The following EPB41L4B variants were observed in gnomAD, a reference collection of about 807,000 sequenced individuals.
EPB41L4B encodes the protein erythrocyte membrane protein band 4.1 like 4B.
A neutral mutation model predicts 112.5 loss-of-function variants in EPB41L4B; 30 were observed. The ratio of observed to expected loss-of-function variants is 0.27; its 90% confidence interval spans 0.20 to 0.36. The LOEUF (loss-of-function observed/expected upper bound fraction) is 0.36. Ranked by LOEUF, EPB41L4B falls within the 10% of genes least tolerant of loss-of-function variation. The pLI, the probability that EPB41L4B is intolerant of heterozygous loss-of-function variation, is 1.00. For missense variants in EPB41L4B, 1,024 were observed against 1,133.3 expected, an observed-to-expected ratio of 0.90 and a Z score of 1.38; for synonymous variants, 408 against 439.7, an observed-to-expected ratio of 0.93 and a Z score of 0.90.
In EPB41L4B at chr9:109,255,548, A is replaced by G. The variant is rs1018408500; in HGVS notation, c.1132T>C (p.Ser378Pro). ...CGAGAGCCCAGCCTGATAAAGTCGG[A>G]TCTATTGGATTTGCTGTTTCCTGGC... ...RTPGNSKSNRSDFIRLGSRFR... is the reference protein window; with the variant it reads ...RTPGNSKSNRPDFIRLGSRFR... The change falls in exon 11 of 26, where the codon TCC (serine) becomes CCC (proline). Residue 378 changes from serine (S) to proline (P), a missense_variant. Ser to Pro is a moderately conservative substitution (Grantham distance 74). Transcript: ENST00000374566. The G allele has an allele frequency of 6.2e-7, 1 of 1,614,184 alleles. No homozygotes were observed.
chr9:109,192,266 T>G lies in EPB41L4B; in HGVS notation c.2301+12A>C, dbSNP rs770851794. The G allele has an allele frequency of 2.8e-5, 45 of 1,600,062 alleles. No homozygotes were observed. Among genetic ancestry groups the G allele is most frequent in the Non-Finnish European group, 3.7e-5 (43 of 1,174,126 alleles). On this transcript the variant is annotated intron_variant, in intron 22 of 25. Coordinates refer to ENST00000374566, the MANE Select transcript of EPB41L4B (RefSeq NM_019114.5). ...TGTGACTTTTCTGGTTTTAGCAAAA[T>G]AGGAAGTTTACCAGAGGAGTGGCTT...
chr9:109,300,433 T>A (rs1303168297), intron 1 of EPB41L4B: 1 of 152,122 alleles, frequency 6.6e-6, no homozygotes, highest in Non-Finnish European at 1.5e-5. Flanking sequence ...AACCCCACCA[T>A]CACAATCTTA....
chr9:109,262,616 C>T (rs80222853), intron 6 of EPB41L4B, among the ~76,000 whole-genome samples: 2,627 of 152,214 alleles, frequency 0.017, 72 homozygotes, highest in African/African-American at 0.051. Context: ...AGTGCATATC[C>T]GGCCAGGCCT....
chr9:109,297,970 C>T (rs1394617695), intron 1 of EPB41L4B, among the ~76,000 whole-genome samples: 1 of 152,158 alleles, frequency 6.6e-6, no homozygotes, highest in Admixed American at 6.5e-5. Context: ...TAAGGCATCA[C>T]TATCCATTCA....
chr9:109,274,241 T>G (rs1329924481), intron 2 of EPB41L4B, among the ~76,000 whole-genome samples: 1 of 152,088 alleles, frequency 6.6e-6, no homozygotes, highest in Non-Finnish European at 1.5e-5. Context: ...GGACTTACAG[T>G]GGCCACATCT....
chr9:109,249,829 CA>C (rs1266708657), intron 13 of EPB41L4B, among the ~76,000 whole-genome samples: 1 of 152,208 alleles, frequency 6.6e-6, no homozygotes, highest in East Asian at 1.9e-4. Flanking sequence ...CGACACAGAG[CA>C]GTTCAACAGG....
chr9:109,287,555 CA>C (rs2119165702), intron 1 of EPB41L4B, among the ~76,000 whole-genome samples: 1 of 152,332 alleles, frequency 6.6e-6, no homozygotes, highest in African/African-American at 2.4e-5. Flanking sequence ...GGTGCCTATG[CA>C]GTCAAAGTGA....
At chr9:109,304,852 G>C (rs900189567) in intron 1 of EPB41L4B, among the ~76,000 whole-genome samples, 2 of 152,178 alleles carry the variant, frequency 1.3e-5, no homozygotes, top group Admixed American at 1.3e-4. Context: ...CAGAGAGACA[G>C]AAGACAGATT....
At chr9:109,271,265 C>A (rs919244353) in intron 2 of EPB41L4B, among the ~76,000 whole-genome samples, 1 of 152,220 alleles carries the variant, frequency 6.6e-6, no homozygotes, top group Non-Finnish European at 1.5e-5. Flanking sequence ...AGCCACAGAG[C>A]CCTGCCCAAA....
At chr9:109,282,850 C>T (rs1262512904) in intron 1 of EPB41L4B, among the ~76,000 whole-genome samples, 1 of 152,024 alleles carries the variant, frequency 6.6e-6, no homozygotes, top group Admixed American at 6.6e-5. Context: ...GCCACCAAGC[C>T]CGGCTTATTT....
chr9:109,231,807 T>TGTGTGTGTGCCTTCACAGGTGTGC (rs1297359231), intron 15 of EPB41L4B, among the ~76,000 whole-genome samples: 3 of 152,224 alleles, frequency 2.0e-5, no homozygotes, highest in African/African-American at 7.2e-5. Flanking sequence ...GCTTCCTCAT[T>TGTGTGTGTGCCTTCACAGGTGTGC]GTGTGTGTGC....
chr9:109,252,574 T>C (rs531416994), intron 12 of EPB41L4B, among the ~76,000 whole-genome samples: 2 of 152,228 alleles, frequency 1.3e-5, no homozygotes, highest in South Asian at 4.2e-4. Flanking sequence ...AACACAAAGT[T>C]ACAGATTCCA....
chr9:109,303,219 T>C (rs1475991334), intron 1 of EPB41L4B, among the ~76,000 whole-genome samples: 1 of 152,066 alleles, frequency 6.6e-6, no homozygotes, highest in Non-Finnish European at 1.5e-5. Flanking sequence ...AAAATGTTAA[T>C]GAAGTGGTGA....
intron 15 of EPB41L4B, among the ~76,000 whole-genome samples, chr9:109,236,831 T>C (rs1834159907): frequency 6.6e-6 from 1 of 152,214 alleles, no homozygotes; most frequent in South Asian, 2.1e-4. Context: ...CGCCCCCTTA[T>C]GCTTCGCCTC....
intron 2 of EPB41L4B, among the ~76,000 whole-genome samples, chr9:109,270,682 C>G (rs1401231459): frequency 3.3e-5 from 5 of 152,220 alleles, no homozygotes; most frequent in Non-Finnish European, 1.5e-5. Flanking sequence ...CTTAAAGGAG[C>G]TTGTTCCATT....
At chr9:109,258,048 G>C (rs994931390) in intron 7 of EPB41L4B, 129 bp downstream of exon 7, 14 of 985,888 alleles carry the variant, frequency 1.4e-5, no homozygotes, top group Non-Finnish European at 2.1e-5. Flanking sequence ...GACACAAGGA[G>C]AGAAGAGTTG....
At chr9:109,283,681 G>A (rs1670436051) in intron 1 of EPB41L4B, among the ~76,000 whole-genome samples, 1 of 152,158 alleles carries the variant, frequency 6.6e-6, no homozygotes, top group African/African-American at 2.4e-5. Context: ...AAATACATAT[G>A]TGTTATGTAC....
intron 4 of EPB41L4B, among the ~76,000 whole-genome samples, 170 bp downstream of exon 4, chr9:109,267,302 CA>C (rs1835442764): frequency 6.6e-6 from 1 of 152,132 alleles, no homozygotes; most frequent in African/African-American, 2.4e-5. Context: ...TCAAATTAAG[CA>C]AAGTTGTGGA....
At chr9:109,232,570 A>G (rs79710345) in intron 15 of EPB41L4B, among the ~76,000 whole-genome samples, 13 of 152,326 alleles carry the variant, frequency 8.5e-5, no homozygotes, top group African/African-American at 3.1e-4. Context: ...AGACTCAGGC[A>G]TGAGCTGGGA....
Sources: allele counts gnomAD v4.1 joint callset (sites outside exome capture counted in the v4.1 genomes callset), GRCh38; gene constraint gnomAD v4.1.1; transcripts MANE v1.5; gene names NCBI Gene and HGNC (gene_info 2026-07-23, HGNC 2026-07-21).